The following BRDT variants were observed in gnomAD, a reference collection of about 807,000 sequenced individuals.
The protein encoded by BRDT is bromodomain testis-specific protein.
Under a neutral mutation model 113.9 loss-of-function variants are expected in BRDT, and 77 were observed. The ratio of observed to expected loss-of-function variants is 0.68; its 90% CI spans 0.56 to 0.82. BRDT has a LOEUF of 0.82. Among genes scored for constraint, BRDT ranks in the 40% least tolerant of loss-of-function variants. BRDT has a pLI of 0.00. For missense variants in BRDT, 1,027 were observed against 1,105.4 expected, an observed-to-expected ratio of 0.93 and a Z score of 1.01; for synonymous variants, 358 against 366.5, an observed-to-expected ratio of 0.98 and a Z score of 0.26.
At chr1:91,976,922 A>G in intron 5 of BRDT, 121 bp from the exon 6 acceptor site, 3 of 759,950 alleles carry the variant, frequency 3.9e-6, no homozygotes, top group Non-Finnish European at 6.1e-6. Context: ...CAATATGTGT[A>G]AATTATCTAT....
At chr1:92,002,628 A>G (rs1279321445) in intron 16 of BRDT, among the ~76,000 whole-genome samples, 2 of 152,180 alleles carry the variant, frequency 1.3e-5, no homozygotes, top group Non-Finnish European at 2.9e-5. Flanking sequence ...TGGCCTCTCA[A>G]AGTGTTGGGA....
chr1:91,981,111 A>C lies in BRDT; in HGVS notation c.1683A>C (p.Ala561=), dbSNP rs1478452580. Residue 561 remains alanine, a synonymous_variant, in exon 10 of 19, where the codon GCA becomes GCC. Transcript: ENST00000399546. ...AGATAGACTTTGAAACACTGAAAGC[A>C]TCAACACTAAGAGAATTAGAAAAAT... ...EIEIDFETLK[A]STLRELEKYV... is the part of the protein sequence containing the mutation. The C allele has an allele frequency of 6.2e-7, 1 of 1,613,950 alleles. No homozygotes were observed. The highest frequency in any genetic ancestry group is 8.5e-7 in the Non-Finnish European group (1 of 1,179,992).
At chr1:91,979,385 A>G (rs1264097262) in intron 7 of BRDT, among the ~76,000 whole-genome samples, 184 bp from the exon 8 acceptor site, 2 of 152,042 alleles carry the variant, frequency 1.3e-5, no homozygotes, top group South Asian at 2.1e-4. Flanking sequence ...AAGTGCTAAG[A>G]TTACAGGCAT....
intron 18 of BRDT, among the ~76,000 whole-genome samples, chr1:92,008,918 T>C (rs1466728840): frequency 6.6e-6 from 1 of 152,258 alleles, no homozygotes; most frequent in East Asian, 1.9e-4. Flanking sequence ...TATGTGTACA[T>C]TGTGGAATGG....
chr1:92,001,476 A>T (rs1478422738), intron 15 of BRDT, among the ~76,000 whole-genome samples: 1 of 152,144 alleles, frequency 6.6e-6, no homozygotes, highest in Admixed American at 6.5e-5. Context: ...CGGGCAGATC[A>T]CTGAAGGTCA....
intron 7 of BRDT, among the ~76,000 whole-genome samples, chr1:91,979,322 A>C (rs1016406874): frequency 6.6e-6 from 1 of 152,004 alleles, no homozygotes; most frequent in African/African-American, 2.4e-5. Context: ...CATGTTGGTC[A>C]GGCTGGTCTT....
intron 12 of BRDT, among the ~76,000 whole-genome samples, chr1:91,987,211 C>T (rs1008544479): frequency 3.3e-5 from 5 of 152,004 alleles, no homozygotes; most frequent in East Asian, 1.9e-4. Context: ...TGAGGCACCA[C>T]GCCTGGCCTA....
intron 16 of BRDT, among the ~76,000 whole-genome samples, chr1:92,002,970 G>A (rs889570774): frequency 1.1e-4 from 17 of 152,060 alleles, no homozygotes; most frequent in African/African-American, 3.9e-4. Flanking sequence ...CCATCCCTCT[G>A]TTCCATTACC....
At chr1:92,003,813 AAT>A (rs1687056578) in intron 16 of BRDT, among the ~76,000 whole-genome samples, 1 of 152,158 alleles carries the variant, frequency 6.6e-6, no homozygotes. Context: ...TGGTTAAATA[AAT>A]ATATTAAATT....
At chr1:91,951,972 T>C (rs1486107359) in intron 1 of BRDT, among the ~76,000 whole-genome samples, 1 of 152,078 alleles carries the variant, frequency 6.6e-6, no homozygotes, top group African/African-American at 2.4e-5. Flanking sequence ...TCGCCTGAGT[T>C]CAGGAGTTTG....
chr1:91,992,240 T>C (rs891851632), intron 13 of BRDT, 24 bp from the exon 14 acceptor site: 1 of 1,269,268 alleles, frequency 7.9e-7, no homozygotes, highest in Non-Finnish European at 1.1e-6. Context: ...TGATTAATGC[T>C]ATAATCTATA....
In BRDT at chr1:92,005,148, C is replaced by T; in HGVS notation, c.2624C>T (p.Ser875Phe). ...CTTGGGAATGGATTGACTGTAGAATCTTTTTCAAATAAAATACAAAACAAG... is the reference window on the plus strand; with the variant it reads ...CTTGGGAATGGATTGACTGTAGAATTTTTTTCAAATAAAATACAAAACAAG... ...RDLGNGLTVE[S>F]FSNKIQNKCS... The change falls in exon 18 of 19, where the codon TCT (serine) becomes TTT (phenylalanine). Residue 875 changes from serine (S) to phenylalanine (F), a missense_variant. Ser to Phe is a radical substitution (Grantham distance 155). Coordinates refer to ENST00000399546, the MANE Select transcript of BRDT (RefSeq NM_207189.4). 1 of 1,534,346 alleles carries T rather than the reference C, an allele frequency of 6.5e-7. No individual in the cohort carries two copies. The highest frequency in any genetic ancestry group is 8.7e-7 in the Non-Finnish European group (1 of 1,147,370).
chr1:92,012,728 T>C (rs1313715841), intron 18 of BRDT, among the ~76,000 whole-genome samples: 1 of 151,532 alleles, frequency 6.6e-6, no homozygotes, highest in Non-Finnish European at 1.5e-5. Flanking sequence ...CTGGCCAACA[T>C]AGTGAAACCC....
At chr1:92,006,447 TTTTG>T (rs371990391) in intron 18 of BRDT, among the ~76,000 whole-genome samples, 1,770 of 152,008 alleles carry the variant, frequency 0.012, 23 homozygotes, top group African/African-American at 0.032. Flanking sequence ...GGGAGCTTGC[TTTTG>T]TTTGTTTGTT....
At chr1:91,966,686 A>G (rs1368833800) in intron 3 of BRDT, among the ~76,000 whole-genome samples, 1 of 152,246 alleles carries the variant, frequency 6.6e-6, no homozygotes, top group African/African-American at 2.4e-5. Context: ...TTTATTTAAG[A>G]GAACTGTTGC....
At chr1:91,992,372 G>A in intron 14 of BRDT, 58 bp downstream of exon 14, 1 of 999,204 alleles carries the variant, frequency 1.0e-6, no homozygotes, top group Non-Finnish European at 1.4e-6. Flanking sequence ...ATATAGATTA[G>A]GGGCTTACTT....
chr1:91,959,039 C>T (rs1292859232), intron 1 of BRDT, among the ~76,000 whole-genome samples: 2 of 151,528 alleles, frequency 1.3e-5, no homozygotes, highest in East Asian at 1.9e-4. Flanking sequence ...ACAGTAAGAC[C>T]CTGACTCAAA....
At chr1:91,983,439 A>G (rs1684899335) in intron 12 of BRDT, among the ~76,000 whole-genome samples, 1 of 151,826 alleles carries the variant, frequency 6.6e-6, no homozygotes, top group Non-Finnish European at 1.5e-5. Context: ...TATTTTTAGT[A>G]GAGACGGGGT....
intron 1 of BRDT, chr1:91,950,000 T>A (rs942034241): frequency 9.8e-5 from 15 of 152,390 alleles, no homozygotes; most frequent in Admixed American, 7.2e-4. Flanking sequence ...GTGTTTATTC[T>A]GCAAGTGGTC....
Sources: allele counts gnomAD v4.1 joint callset (sites outside exome capture counted in the v4.1 genomes callset), GRCh38; gene constraint gnomAD v4.1.1; transcripts MANE v1.5; gene names NCBI Gene and HGNC (gene_info 2026-07-23, HGNC 2026-07-21).